Variants in RERE observed in about 807,000 individuals in gnomAD.
RERE encodes the protein arginine-glutamic acid dipeptide repeats, also known as arginine-glutamic acid dipeptide repeats protein.
RERE carries 40 observed loss-of-function variants against 146.1 expected under a neutral mutation model. That is an observed-to-expected ratio of 0.27 (90% CI 0.21 to 0.36). The LOEUF (loss-of-function observed/expected upper bound fraction) is 0.36, where lower values mean the gene tolerates loss of function less well. RERE is among the 10% of genes least tolerant of loss of function. The probability of loss-of-function intolerance (pLI) is 1.00; values close to 1 mark genes in which losing one functional copy is unlikely to be tolerated. For synonymous variants in RERE, 1,003 were observed against 866.0 expected (o/e 1.16, Z -2.78); for missense variants, 1,933 against 2,138.7 (o/e 0.90, Z 1.90).
chr1:8,694,524 G>A (rs1286905562), intron 1 of RERE, among the ~76,000 whole-genome samples: 2 of 152,140 alleles, frequency 1.3e-5, no homozygotes, highest in Admixed American at 6.5e-5. Context: ...ACTTTGGGAG[G>A]TTGAGGCGGG....
intron 11 of RERE, among the ~76,000 whole-genome samples, chr1:8,456,055 C>T (rs1644449573): frequency 6.6e-6 from 1 of 152,130 alleles, no homozygotes; most frequent in African/African-American, 2.4e-5. Flanking sequence ...GAATAATCAC[C>T]ACAGGCCTAG....
intron 1 of RERE, among the ~76,000 whole-genome samples, chr1:8,787,906 T>C (rs1641287594): frequency 6.6e-6 from 1 of 151,070 alleles, no homozygotes; most frequent in Admixed American, 6.6e-5. Flanking sequence ...ATTACCAGCC[T>C]GGGCAACATG....
intron 10 of RERE, among the ~76,000 whole-genome samples, chr1:8,492,296 G>T (rs1644989452): frequency 6.6e-6 from 1 of 152,152 alleles, no homozygotes; most frequent in Non-Finnish European, 1.5e-5. Flanking sequence ...CTGAAGTATG[G>T]TCTACAGAAT....
chr1:8,816,632 A>T (rs1641917370), intron 1 of RERE, among the ~76,000 whole-genome samples: 1 of 152,204 alleles, frequency 6.6e-6, no homozygotes, highest in African/African-American at 2.4e-5. Flanking sequence ...CAGAGAGCAG[A>T]ACTAAAACAG....
chr1:8,695,632 G>A (rs983102013), intron 1 of RERE, among the ~76,000 whole-genome samples: 6 of 147,358 alleles, frequency 4.1e-5, no homozygotes, highest in Non-Finnish European at 7.4e-5. Context: ...ATGGTAGTGA[G>A]CGCCTGTAAT....
intron 12 of RERE, among the ~76,000 whole-genome samples, chr1:8,409,526 C>T (rs1268150505): frequency 6.6e-6 from 1 of 152,192 alleles, no homozygotes; most frequent in African/African-American, 2.4e-5. Flanking sequence ...AATCCCAAAG[C>T]AATGATTTTA....
chr1:8,696,301 A>G (rs910961741), intron 1 of RERE, among the ~76,000 whole-genome samples: 2 of 152,214 alleles, frequency 1.3e-5, no homozygotes, highest in African/African-American at 2.4e-5. Flanking sequence ...GAACCCACCA[A>G]TGATGGACTG....
intron 13 of RERE, 133 bp downstream of exon 13, chr1:8,365,679 C>T (rs760756222): frequency 2.1e-6 from 2 of 963,792 alleles, no homozygotes; most frequent in Non-Finnish European, 3.1e-6. Flanking sequence ...TCAGGCTTCA[C>T]ACATGCACTG....
At chr1:8,569,425 C>T (rs987234218) in intron 4 of RERE, among the ~76,000 whole-genome samples, 6 of 152,270 alleles carry the variant, frequency 3.9e-5, no homozygotes, top group South Asian at 2.1e-4. Context: ...CTCAACCACA[C>T]ATCAATGGTG....
chr1:8,416,125 C>T (rs1166919743), intron 12 of RERE, among the ~76,000 whole-genome samples: 2 of 152,146 alleles, frequency 1.3e-5, no homozygotes, highest in Non-Finnish European at 2.9e-5. Context: ...CATCCTTCCA[C>T]ATAAAAAGGC....
rs145043222 is a variant in RERE at position 8,666,390 on chromosome 1, C to T, written c.-144-9949G>A. On this transcript the variant is annotated intron_variant, in intron 1 of 22. Transcript: ENST00000400908. ...GAACACAAGGCAAGGAGACAGTCCACGTGTGGAAGACCTACATGAACATCT... is the reference window on the plus strand; with the variant it reads ...GAACACAAGGCAAGGAGACAGTCCATGTGTGGAAGACCTACATGAACATCT... 2.6e-5 allele frequency among the ~76,000 whole-genome samples: 4 copies of T among 152,336 alleles called. No homozygotes were observed. The East Asian group carries it at 5.8e-4, about 22-fold the overall frequency.
In RERE at chr1:8,358,979, A is replaced by G. The variant is rs1338314400; in HGVS notation, c.3619-63T>C. 5.4e-6 allele frequency: 8 copies of G among 1,481,370 alleles called. 1 individual carries two copies. In the Admixed American group the frequency reaches 1.4e-4, roughly 27 times the overall value. 91.8% of individuals were successfully genotyped at this position (1,481,370 alleles called of 1,614,324 possible). A position where few individuals can be genotyped will look rare whatever the true frequency, so the allele number is the denominator to read the frequency against. ...CGCCTGGGGTCTCCGCTTGGTCCAC[A>G]CTGCGGAGGTGGGCCTGGTCCTGCT... is the stretch of plus-strand genomic sequence containing the variant. On this transcript the variant is annotated intron_variant, in intron 19 of 22. Transcript: ENST00000400908.
chr1:8,629,366 C>T (rs2124244755), intron 2 of RERE, among the ~76,000 whole-genome samples: 1 of 152,292 alleles, frequency 6.6e-6, no homozygotes, highest in African/African-American at 2.4e-5. Flanking sequence ...AGAGGTATTT[C>T]TGGCTGTTTC....
At chr1:8,678,208 T>A (rs1428949754) in intron 1 of RERE, among the ~76,000 whole-genome samples, 4 of 152,178 alleles carry the variant, frequency 2.6e-5, no homozygotes, top group Admixed American at 2.6e-4. Context: ...TTTATTAGAT[T>A]TCATTTTTCA....
intron 12 of RERE, among the ~76,000 whole-genome samples, chr1:8,405,014 C>T (rs932152606): frequency 1.3e-5 from 2 of 152,052 alleles, no homozygotes; most frequent in African/African-American, 4.8e-5. Context: ...TCTGAGTTTG[C>T]TTTTTGGGGC....
At chr1:8,686,858 C>G (rs1057337852) in intron 1 of RERE, among the ~76,000 whole-genome samples, 3 of 152,140 alleles carry the variant, frequency 2.0e-5, no homozygotes, top group African/African-American at 7.2e-5. Flanking sequence ...GTAGGCCTCT[C>G]ACTGAGACTC....
chr1:8,639,889 T>G (rs941874047), intron 2 of RERE, among the ~76,000 whole-genome samples: 1 of 152,314 alleles, frequency 6.6e-6, no homozygotes, highest in East Asian at 1.9e-4. Context: ...AAGTAAAGTC[T>G]AAAAACTAAA....
chr1:8,690,840 T>A (rs1342949023), intron 1 of RERE, among the ~76,000 whole-genome samples: 1 of 152,334 alleles, frequency 6.6e-6, no homozygotes, highest in African/African-American at 2.4e-5. Flanking sequence ...GTATTCATGT[T>A]CATTTTGTAC....
chr1:8,402,221 C>CATCA (rs1361725558), intron 12 of RERE, among the ~76,000 whole-genome samples: 1 of 152,204 alleles, frequency 6.6e-6, no homozygotes. Flanking sequence ...CGCAGCCAAC[C>CATCA]ATCATGCTGT....
Sources: gnomAD v4.1 joint callset for allele counts (sites outside exome capture counted in the v4.1 genomes callset) on GRCh38, gnomAD v4.1.1 for gene constraint, MANE v1.5 for transcripts, NCBI Gene and HGNC (gene_info 2026-07-23, HGNC 2026-07-21) for gene names.